ICA1: variants seen among roughly 807,000 people sequenced by gnomAD.
The protein encoded by ICA1 is islet cell autoantigen 1.
A neutral mutation model predicts 71.0 loss-of-function variants in ICA1; 40 were observed. The ratio of observed to expected loss-of-function variants is 0.56; its 90% CI spans 0.44 to 0.73. The LOEUF is 0.73. ICA1 is among the 30% of genes least tolerant of loss of function. The pLI is 0.00. For missense variants in ICA1, 578 were observed against 576.5 expected (o/e 1.00, Z -0.03); for synonymous variants, 207 against 209.5 (o/e 0.99, Z 0.10).
chr7:8,169,198 T>C (rs964978897), intron 6 of ICA1, among the ~76,000 whole-genome samples: 32 of 152,230 alleles, frequency 2.1e-4, no homozygotes, highest in Non-Finnish European at 2.9e-5. Flanking sequence ...ATTAGTAGTG[T>C]GTTCTTTTTT....
upstream of ICA1, chr7:8,262,331 G>C (rs907904223): frequency 6.6e-6 from 1 of 152,196 alleles, no homozygotes; most frequent in Non-Finnish European, 1.5e-5. Context: ...ACCTACCGCC[G>C]CCTGGGCGCC....
At chr7:8,251,681 TCTC>T (rs897983922) in intron 1 of ICA1, among the ~76,000 whole-genome samples, 3 of 151,886 alleles carry the variant, frequency 2.0e-5, no homozygotes, top group Non-Finnish European at 4.4e-5. Context: ...AATTTGGTGC[TCTC>T]CTCTGTCTCT....
At chr7:8,259,761 G>C (rs1363753558) in intron 1 of ICA1, among the ~76,000 whole-genome samples, 1 of 152,148 alleles carries the variant, frequency 6.6e-6, no homozygotes, top group Non-Finnish European at 1.5e-5. Flanking sequence ...AAGCCCATGA[G>C]TCCTCCATAC....
chr7:8,191,672 G>T (rs1785693322), intron 6 of ICA1, among the ~76,000 whole-genome samples: 1 of 151,946 alleles, frequency 6.6e-6, no homozygotes. Context: ...AGAAGCATCT[G>T]TATATATGTG....
intron 6 of ICA1, among the ~76,000 whole-genome samples, chr7:8,176,758 A>G (rs533844328): frequency 7.2e-5 from 11 of 152,158 alleles, no homozygotes; most frequent in African/African-American, 2.6e-4. Context: ...TACCACCACC[A>G]CCACCACTTA....
rs1218712832 is a variant in ICA1, at chr7:8,174,755, CA to C, written c.580-16104del. Among the ~76,000 whole-genome samples the C allele has an allele frequency of 2.6e-3, 215 of 83,460 alleles. 1 individual carries two copies. Among genetic ancestry groups the C allele is most frequent in the Middle Eastern group, 0.014 (2 of 146 alleles). 54.8% of individuals were successfully genotyped at this position (83,460 alleles called of 152,430 possible). ...TGGGTGACACAGCCAGACTGTATCT[CA>C]AAAAAAAAAAAAAAAAAAAAAAACA... On this transcript the variant is annotated intron_variant, in intron 6 of 13. Transcript: ENST00000402384.
At chr7:8,124,663 G>T (rs1788445624) in intron 13 of ICA1, among the ~76,000 whole-genome samples, 1 of 152,156 alleles carries the variant, frequency 6.6e-6, no homozygotes, top group Admixed American at 6.5e-5. Flanking sequence ...AAGCTGAATG[G>T]TCTGCTTGTT....
At chr7:8,186,079 G>C (rs970779979) in intron 6 of ICA1, among the ~76,000 whole-genome samples, 1 of 152,224 alleles carries the variant, frequency 6.6e-6, no homozygotes, top group Non-Finnish European at 1.5e-5. Context: ...TTTTGAAAGA[G>C]TGGAGGAAGT....
At chr7:8,247,019 T>TA (rs1390375894) in intron 1 of ICA1, among the ~76,000 whole-genome samples, 1 of 152,204 alleles carries the variant, frequency 6.6e-6, no homozygotes, top group Admixed American at 6.5e-5. Context: ...GTGCTGGGAT[T>TA]ACAGGCGTGA....
chr7:8,121,217 T>G (rs1786783961), intron 13 of ICA1, among the ~76,000 whole-genome samples: 1 of 152,140 alleles, frequency 6.6e-6, no homozygotes, highest in Admixed American at 6.5e-5. Context: ...GGTTCTCATT[T>G]TAGGACTGGT....
Position 8,185,321 on chromosome 7 carries a change from T to C in ICA1, c.580-26669A>G, listed in dbSNP as rs547289757. Among the ~76,000 whole-genome samples, 311 of 152,250 alleles carry C rather than the reference T, an allele frequency of 2.0e-3. 1 individual carries two copies. The highest frequency in any genetic ancestry group is 3.4e-3 in the Non-Finnish European group (234 of 68,016). ...ATGAAACTTTAAACCAAGTGATAAA[T>C]TTAAATATATTCATCCAACCATCCA... On this transcript the variant is annotated intron_variant, in intron 6 of 13. Coordinates refer to ENST00000402384, the MANE Select transcript of ICA1 (RefSeq NM_001136020.3).
rs553460808 is a variant in ICA1 at position 8,232,572 on chromosome 7, C to G, written c.183+18G>C. 2 of 1,592,450 alleles carry G rather than the reference C, an allele frequency of 1.3e-6. No individual in the cohort carries two copies. The highest frequency in any genetic ancestry group is 2.3e-5 in the South Asian group (2 of 85,844). ...AGCAAGGTGGCTGTGTTGGGGCTGA[C>G]AGCAATAAAGAGCTCACCTCTAGCT... On this transcript the variant is annotated intron_variant, in intron 3 of 13. Coordinates refer to ENST00000402384, the MANE Select transcript of ICA1 (RefSeq NM_001136020.3).
intron 1 of ICA1, among the ~76,000 whole-genome samples, chr7:8,237,264 C>T (rs545094223): frequency 2.0e-5 from 3 of 152,228 alleles, no homozygotes; most frequent in South Asian, 4.1e-4. Flanking sequence ...GCTACCAACA[C>T]CCAGTCCTCT....
chr7:8,129,481 G>A (rs541678511), intron 12 of ICA1, among the ~76,000 whole-genome samples: 12 of 152,138 alleles, frequency 7.9e-5, no homozygotes, highest in Non-Finnish European at 1.6e-4. Flanking sequence ...TGAGCAGACA[G>A]GCTATAAATC....
intron 6 of ICA1, among the ~76,000 whole-genome samples, chr7:8,186,146 G>C (rs1300722266): frequency 6.6e-6 from 1 of 152,176 alleles, no homozygotes. Flanking sequence ...CAGATCAAGC[G>C]ACAGCAATTC....
chr7:8,217,952 C>T (rs1022446577), intron 6 of ICA1, among the ~76,000 whole-genome samples: 2 of 152,098 alleles, frequency 1.3e-5, no homozygotes, highest in Admixed American at 1.3e-4. Context: ...AAAGATTTCC[C>T]CAGTAGTCTG....
intron 12 of ICA1, 116 bp from the exon 13 acceptor site, chr7:8,128,258 T>G: frequency 9.7e-7 from 1 of 1,035,708 alleles, no homozygotes; most frequent in Non-Finnish European, 1.4e-6. Flanking sequence ...AAGAAAAATG[T>G]CATCAAAATA....
At chr7:8,231,528 G>C (rs1368341545) in intron 3 of ICA1, among the ~76,000 whole-genome samples, 1 of 152,286 alleles carries the variant, frequency 6.6e-6, no homozygotes, top group Middle Eastern at 3.4e-3. Flanking sequence ...GATAATAGCT[G>C]TAATAAGTAG....
At chr7:8,206,632 T>C (rs1395035039) in intron 6 of ICA1, among the ~76,000 whole-genome samples, 2 of 151,954 alleles carry the variant, frequency 1.3e-5, no homozygotes, top group African/African-American at 4.8e-5. Context: ...AACCTCATTC[T>C]TAGCTTCCTC....
Sources: allele counts gnomAD v4.1 joint callset (sites outside exome capture counted in the v4.1 genomes callset), GRCh38; gene constraint gnomAD v4.1.1; transcripts MANE v1.5; gene names NCBI Gene and HGNC (gene_info 2026-07-23, HGNC 2026-07-21).